The following NRXN3 variants were observed in gnomAD, a reference collection of about 807,000 sequenced individuals.
NRXN3 encodes neurexin III.
NRXN3 carries 32 observed loss-of-function variants against 137.6 expected under a neutral mutation model. The ratio of observed to expected loss-of-function variants is 0.23; its 90% CI spans 0.18 to 0.31. NRXN3 has a LOEUF of 0.31. Among genes scored for constraint, NRXN3 ranks in the 10% least tolerant of loss-of-function variants. The pLI is 1.00. For synonymous variants in NRXN3, 798 were observed against 784.5 expected (o/e 1.02, Z -0.29); for missense variants, 1,574 against 2,062.5 (o/e 0.76, Z 4.59).
intron 15 of NRXN3, among the ~76,000 whole-genome samples, chr14:79,366,320 C>T (rs955696734): frequency 2.8e-4 from 42 of 152,246 alleles, no homozygotes; most frequent in East Asian, 1.4e-3. Flanking sequence ...TAGGAACATT[C>T]CAATTCCACT....
chr14:78,770,872 A>G (rs1403940440), intron 8 of NRXN3, among the ~76,000 whole-genome samples: 2 of 152,144 alleles, frequency 1.3e-5, no homozygotes, highest in Non-Finnish European at 2.9e-5. Context: ...AGCTAAAAGG[A>G]GCTGTCCTAA....
intron 19 of NRXN3, among the ~76,000 whole-genome samples, chr14:79,777,655 TATTC>T (rs1329755745): frequency 1.3e-5 from 2 of 152,064 alleles, no homozygotes; most frequent in Admixed American, 6.6e-5. Flanking sequence ...GTTATTTATT[TATTC>T]ACAAACACTG....
At chr14:78,644,167 A>C (rs1039144745) in intron 4 of NRXN3, among the ~76,000 whole-genome samples, 11 of 151,812 alleles carry the variant, frequency 7.2e-5, no homozygotes, top group Admixed American at 2.6e-4. Flanking sequence ...AATAAAAAGA[A>C]GAAGAAGAAA....
intron 4 of NRXN3, among the ~76,000 whole-genome samples, chr14:78,569,161 G>T (rs534322670): frequency 1.3e-5 from 2 of 151,646 alleles, no homozygotes; most frequent in Non-Finnish European, 2.9e-5. Flanking sequence ...TAGAGATGGG[G>T]TTTCACCGTG....
intron 15 of NRXN3, among the ~76,000 whole-genome samples, chr14:79,291,809 T>C (rs2083256905): frequency 6.6e-6 from 1 of 151,856 alleles, no homozygotes. Context: ...AATTTCAAAG[T>C]GGTATTCTTA....
intron 15 of NRXN3, among the ~76,000 whole-genome samples, chr14:79,326,942 TAAA>T (rs745887806): frequency 1.3e-4 from 20 of 152,258 alleles, no homozygotes; most frequent in Admixed American, 2.6e-4. Context: ...TCCATCAGCA[TAAA>T]AAATGTGAAA....
Position 79,335,946 on chromosome 14 carries a change from T to C in NRXN3, c.3263-131275T>C, listed in dbSNP as rs189005248. On this transcript the variant is annotated intron_variant, in intron 15 of 20. Coordinates refer to ENST00000335750, the MANE Select transcript of NRXN3 (RefSeq NM_001330195.2). ...GCATTATTTCTACTCAAGTGGGCCATTTGCTTTTTTAGGGCAAATATCATA... is the reference window on the plus strand; with the variant it reads ...GCATTATTTCTACTCAAGTGGGCCACTTGCTTTTTTAGGGCAAATATCATA... Among the ~76,000 whole-genome samples, 645 of 152,240 alleles carry C rather than the reference T, an allele frequency of 4.2e-3. 1 individual carries two copies. The highest frequency in any genetic ancestry group is 7.0e-3 in the Non-Finnish European group (474 of 68,016).
chr14:79,711,156 C>T (rs537438743), intron 19 of NRXN3, among the ~76,000 whole-genome samples: 30 of 152,254 alleles, frequency 2.0e-4, no homozygotes, highest in African/African-American at 7.0e-4. Flanking sequence ...AAACATATTT[C>T]GGTCCTGGAG....
intron 20 of NRXN3, among the ~76,000 whole-genome samples, chr14:79,829,605 G>A (rs1603617691): frequency 6.6e-6 from 1 of 152,312 alleles, no homozygotes; most frequent in South Asian, 2.1e-4. Context: ...ACCCACGCAT[G>A]ATCAATGTGT....
intron 19 of NRXN3, among the ~76,000 whole-genome samples, chr14:79,764,351 A>G (rs2099049237): frequency 6.6e-6 from 1 of 152,180 alleles, no homozygotes; most frequent in Non-Finnish European, 1.5e-5. Context: ...CCAAAGAGTG[A>G]CTCAGCCTTT....
intron 4 of NRXN3, among the ~76,000 whole-genome samples, chr14:78,465,305 A>G (rs1049962828): frequency 6.6e-6 from 1 of 152,202 alleles, no homozygotes; most frequent in African/African-American, 2.4e-5. Flanking sequence ...AGTATTAAAT[A>G]AATTATGGAA....
intron 15 of NRXN3, among the ~76,000 whole-genome samples, chr14:79,081,814 T>C (rs1291730582): frequency 6.6e-6 from 1 of 152,074 alleles, no homozygotes; most frequent in Non-Finnish European, 1.5e-5. Context: ...AAATATTCCA[T>C]GTTTGTTAAA....
At chr14:79,079,844 C>T (rs542046476) in intron 15 of NRXN3, among the ~76,000 whole-genome samples, 10 of 151,996 alleles carry the variant, frequency 6.6e-5, no homozygotes, top group South Asian at 2.1e-4. Flanking sequence ...AAAAATTAGC[C>T]GGGCGTGGTG....
intron 2 of NRXN3, chr14:78,250,180 C>A: frequency 2.1e-6 from 1 of 473,976 alleles, no homozygotes; most frequent in Non-Finnish European, 4.2e-6. Flanking sequence ...TGTGTCTAGA[C>A]AGTCTGGCTT....
rs541547368 is a variant in NRXN3 at position 79,820,239 on chromosome 14, A to G, written c.4093+15049A>G. ...GTGACACAGGCAGTGAATGAGGAGG[A>G]CACAATGGAGTGGGCACCATATCTA... is the stretch of plus-strand genomic sequence containing the variant. On this transcript the variant is annotated intron_variant, in intron 20 of 20. Coordinates refer to ENST00000335750, the MANE Select transcript of NRXN3 (RefSeq NM_001330195.2). Among the ~76,000 whole-genome samples the G allele has an allele frequency of 2.0e-5, 3 of 152,332 alleles. No homozygotes were observed. The South Asian group carries it at 6.2e-4, about 32-fold the overall frequency.
At chr14:79,444,158 G>T (rs554230167) in intron 15 of NRXN3, among the ~76,000 whole-genome samples, 2 of 152,204 alleles carry the variant, frequency 1.3e-5, no homozygotes, top group South Asian at 4.2e-4. Context: ...GAAAGAATAG[G>T]GTTTTCAGAG....
At chr14:78,868,803 A>G (rs1285437407) in intron 10 of NRXN3, among the ~76,000 whole-genome samples, 1 of 152,104 alleles carries the variant, frequency 6.6e-6, no homozygotes, top group Non-Finnish European at 1.5e-5. Flanking sequence ...CCAGGGCAAA[A>G]AAAGCGAAAC....
intron 15 of NRXN3, among the ~76,000 whole-genome samples, chr14:79,217,866 A>G (rs2068821168): frequency 6.6e-6 from 1 of 152,228 alleles, no homozygotes; most frequent in African/African-American, 2.4e-5. Context: ...AAACAGGGAA[A>G]GATGTTTAAT....
chr14:79,634,080 C>A (rs1300702439), intron 16 of NRXN3, among the ~76,000 whole-genome samples: 1 of 152,024 alleles, frequency 6.6e-6, no homozygotes, highest in Non-Finnish European at 1.5e-5. Flanking sequence ...TCCAGTGAGA[C>A]AAAAGTCCAT....
Sources: allele counts gnomAD v4.1 joint callset (sites outside exome capture counted in the v4.1 genomes callset), GRCh38; gene constraint gnomAD v4.1.1; transcripts MANE v1.5; gene names NCBI Gene and HGNC (gene_info 2026-07-23, HGNC 2026-07-21).